Variants in KCNQ5 observed in about 807,000 individuals in gnomAD.
KCNQ5 encodes the protein potassium voltage-gated channel subfamily Q member 5, also known as potassium voltage-gated channel subfamily KQT member 5.
Under a neutral mutation model 98.2 loss-of-function variants are expected in KCNQ5, and 30 were observed. The ratio of observed to expected loss-of-function variants is 0.31; its 90% CI spans 0.23 to 0.41. The LOEUF (loss-of-function observed/expected upper bound fraction) is 0.41, where lower values mean the gene tolerates loss of function less well. KCNQ5 is among the 10% of genes least tolerant of loss of function. KCNQ5 has a pLI of 1.00. For missense variants in KCNQ5, 835 were observed against 1,182.5 expected (o/e 0.71, Z 4.31); for synonymous variants, 458 against 449.4 (o/e 1.02, Z -0.24).
At chr6:72,896,140 G>T (rs1474092129) in intron 1 of KCNQ5, among the ~76,000 whole-genome samples, 1 of 152,144 alleles carries the variant, frequency 6.6e-6, no homozygotes, top group Non-Finnish European at 1.5e-5. Flanking sequence ...CCTTTGTAAA[G>T]GAGGTCACAA....
rs74320288 is a variant in KCNQ5 at position 72,777,588 on chromosome 6, C to T, written c.398+155001C>T. Among the ~76,000 whole-genome samples the T allele has an allele frequency of 7.2e-5, 11 of 152,292 alleles. No individual in the cohort carries two copies. In the East Asian group the frequency reaches 2.1e-3, roughly 29 times the overall value. On this transcript the variant is annotated intron_variant, in intron 1 of 13. Transcript: ENST00000370398. Reference sequence around the variant, plus strand: ...CAGCTCTGAATATCAGCAAGTGAAACAGTTTTCGATAAGCATTTAAACAAC... The same window carrying T: ...CAGCTCTGAATATCAGCAAGTGAAATAGTTTTCGATAAGCATTTAAACAAC...
chr6:72,739,903 A>G (rs953953799), intron 1 of KCNQ5, among the ~76,000 whole-genome samples: 2 of 152,198 alleles, frequency 1.3e-5, no homozygotes, highest in Non-Finnish European at 2.9e-5. Context: ...TTAATTATCT[A>G]TCTCTGGGTA....
At chr6:72,876,956 C>T (rs1778430731) in intron 1 of KCNQ5, among the ~76,000 whole-genome samples, 1 of 152,160 alleles carries the variant, frequency 6.6e-6, no homozygotes, top group Non-Finnish European at 1.5e-5. Flanking sequence ...CTCACACTAC[C>T]ATCTGCTGCG....
intron 3 of KCNQ5, among the ~76,000 whole-genome samples, chr6:73,046,897 C>T (rs553105103): frequency 3.3e-5 from 5 of 152,256 alleles, no homozygotes; most frequent in African/African-American, 9.6e-5. Context: ...CCCGCCTCAG[C>T]GTCCCAAAGT....
intron 1 of KCNQ5, among the ~76,000 whole-genome samples, chr6:72,778,061 G>A (rs1773253042): frequency 6.6e-6 from 1 of 152,128 alleles, no homozygotes; most frequent in Non-Finnish European, 1.5e-5. Context: ...CATGAACGTG[G>A]ATGCCATTTT....
At chr6:72,983,193 A>G (rs543846819) in intron 1 of KCNQ5, among the ~76,000 whole-genome samples, 7 of 152,070 alleles carry the variant, frequency 4.6e-5, no homozygotes, top group Admixed American at 3.3e-4. Flanking sequence ...TGTTCTCTGT[A>G]TTTCCTGAGT....
At chr6:72,774,542 A>G (rs966889411) in intron 1 of KCNQ5, among the ~76,000 whole-genome samples, 1 of 152,134 alleles carries the variant, frequency 6.6e-6, no homozygotes, top group Non-Finnish European at 1.5e-5. Flanking sequence ...TGAAAAGGCA[A>G]TCCACACGGT....
chr6:72,905,887 G>A (rs1347374716), intron 1 of KCNQ5, among the ~76,000 whole-genome samples: 2 of 152,188 alleles, frequency 1.3e-5, no homozygotes, highest in Non-Finnish European at 2.9e-5. Context: ...CTGCCAGGAG[G>A]TGGCACTTTC....
At chr6:72,946,105 T>G (rs558453151) in intron 1 of KCNQ5, among the ~76,000 whole-genome samples, 1 of 152,286 alleles carries the variant, frequency 6.6e-6, no homozygotes, top group South Asian at 2.1e-4. Flanking sequence ...CATGCAGATA[T>G]CCATAAGACC....
At chr6:72,882,596 A>T (rs1778677565) in intron 1 of KCNQ5, among the ~76,000 whole-genome samples, 1 of 152,246 alleles carries the variant, frequency 6.6e-6, no homozygotes. Context: ...TAAGAGAATC[A>T]GATTTAAATG....
chr6:72,695,028 A>G (rs1283133958), intron 1 of KCNQ5, among the ~76,000 whole-genome samples: 1 of 152,184 alleles, frequency 6.6e-6, no homozygotes, highest in East Asian at 1.9e-4. Flanking sequence ...TATTGCTGCA[A>G]AGGATATGGT....
At chr6:72,924,792 C>T (rs904758547) in intron 1 of KCNQ5, among the ~76,000 whole-genome samples, 1 of 152,156 alleles carries the variant, frequency 6.6e-6, no homozygotes, top group African/African-American at 2.4e-5. Context: ...TGGTACTAAA[C>T]CCAGGACATT....
At chr6:72,875,523 T>C (rs1778373479) in intron 1 of KCNQ5, among the ~76,000 whole-genome samples, 1 of 152,186 alleles carries the variant, frequency 6.6e-6, no homozygotes, top group African/African-American at 2.4e-5. Context: ...AAATGTCAAG[T>C]TGTCACTGTT....
intron 8 of KCNQ5, among the ~76,000 whole-genome samples, chr6:73,121,846 A>G (rs1406459437): frequency 6.6e-6 from 1 of 152,230 alleles, no homozygotes; most frequent in Non-Finnish European, 1.5e-5. Flanking sequence ...AAAGAGAAGG[A>G]CAAGAGTTGG....
intron 1 of KCNQ5, among the ~76,000 whole-genome samples, chr6:72,755,824 A>G (rs942369052): frequency 2.6e-5 from 4 of 152,154 alleles, no homozygotes; most frequent in African/African-American, 7.2e-5. Flanking sequence ...CATAGCCCAC[A>G]ATTTCCATCT....
At chr6:72,704,535 G>C (rs1304614427) in intron 1 of KCNQ5, among the ~76,000 whole-genome samples, 1 of 151,170 alleles carries the variant, frequency 6.6e-6, no homozygotes, top group Non-Finnish European at 1.5e-5. Context: ...GAAATATTTT[G>C]CAAAAAATAA....
intron 1 of KCNQ5, among the ~76,000 whole-genome samples, chr6:72,893,781 A>G (rs1779146533): frequency 6.6e-6 from 1 of 152,042 alleles, no homozygotes; most frequent in Admixed American, 6.6e-5. Context: ...TTAAGCATCT[A>G]CTCTATGCCA....
chr6:72,986,809 C>A, intron 1 of KCNQ5: 2 of 1,350,712 alleles, frequency 1.5e-6, no homozygotes, highest in Non-Finnish European at 2.1e-6. Context: ...TCAAATAACA[C>A]AAGAAGGAAA....
chr6:72,722,698 T>C (rs565183880), intron 1 of KCNQ5, among the ~76,000 whole-genome samples: 1 of 152,302 alleles, frequency 6.6e-6, no homozygotes, highest in East Asian at 1.9e-4. Context: ...TAAACATGAC[T>C]ATTCAGACCA....
Sources: gnomAD v4.1 joint callset for allele counts (sites outside exome capture counted in the v4.1 genomes callset) on GRCh38, gnomAD v4.1.1 for gene constraint, MANE v1.5 for transcripts, NCBI Gene and HGNC (gene_info 2026-07-23, HGNC 2026-07-21) for gene names.